LTA4H: variants seen among roughly 807,000 people sequenced by gnomAD.
The protein encoded by LTA4H is leukotriene A4 hydrolase.
LTA4H carries 59 observed loss-of-function variants against 89.8 expected under a neutral mutation model. The ratio of observed to expected loss-of-function variants is 0.66; its 90% CI spans 0.53 to 0.82. The LOEUF (loss-of-function observed/expected upper bound fraction) is 0.82. Ranked by LOEUF, LTA4H falls within the 40% of genes least tolerant of loss-of-function variation. LTA4H has a pLI of 0.00. For synonymous variants in LTA4H, 227 were observed against 253.1 expected (o/e 0.90, Z 0.98); for missense variants, 617 against 727.0 (o/e 0.85, Z 1.74).
intron 1 of LTA4H, 126 bp downstream of exon 1, chr12:96,035,235 G>C (rs971337843): frequency 1.2e-5 from 11 of 941,262 alleles, no homozygotes; most frequent in Non-Finnish European, 1.7e-5. Flanking sequence ...CAGAAGAGCA[G>C]ACGGGGACGT....
Position 96,035,471 on chromosome 12 carries a change from A to G in LTA4H, c.49T>C (p.Cys17Arg), listed in dbSNP as rs1285238998. The G allele has an allele frequency of 6.2e-7, 1 of 1,609,518 alleles. No homozygotes were observed. The highest frequency in any genetic ancestry group is 8.5e-7 in the Non-Finnish European group (1 of 1,178,016). ...CGCAGGTGCAGGTGCTTGGTCCGGC[A>G]GACGGAAGCCGGAGAGGCCAACGAA... is the stretch of plus-strand genomic sequence containing the variant. ...TCSLASPASV[C>R]RTKHLHLRCS... Residue 17 changes from cysteine to arginine, a missense_variant, in exon 1 of 19, where the codon TGC becomes CGC. Physicochemically the swap from Cys to Arg is radical, Grantham distance 180 (BLOSUM62 -3). This residue lies in a region of LTA4H where 155 missense variants were observed against 143.3 expected (regional missense o/e 1.08). Coordinates refer to ENST00000228740, the MANE Select transcript of LTA4H (RefSeq NM_000895.3).
At position 96,025,059 on chromosome 12, in the gene LTA4H, T is replaced by A. The variant is rs139722082; in HGVS notation, c.412-512A>T. On this transcript the variant is annotated intron_variant, in intron 3 of 18. Transcript: ENST00000228740. The stretch of plus-strand genomic sequence containing the variant: ...TCTATGGTTAACCCTCACATTTCAG[T>A]TGAAGCATGGAGAAACTCTTAAGCA... Among the ~76,000 whole-genome samples the A allele has an allele frequency of 5.3e-5, 8 of 152,296 alleles. No homozygotes were observed. In the East Asian group the frequency reaches 1.5e-3, roughly 29 times the overall value.
intron 15 of LTA4H, among the ~76,000 whole-genome samples, chr12:96,007,474 G>C (rs2660880): frequency 6.6e-6 from 1 of 152,202 alleles, no homozygotes; most frequent in African/African-American, 2.4e-5. Context: ...GGATGCTACA[G>C]AGGTACCGCT....
At chr12:96,017,364 T>C (rs1279564154) in intron 9 of LTA4H, among the ~76,000 whole-genome samples, 193 bp downstream of exon 9, 1 of 152,184 alleles carries the variant, frequency 6.6e-6, no homozygotes, top group Non-Finnish European at 1.5e-5. Flanking sequence ...TTAAAAATAT[T>C]TCATAAATAT....
chr12:96,023,151 G>T (rs1369427892), intron 4 of LTA4H, among the ~76,000 whole-genome samples: 2 of 152,134 alleles, frequency 1.3e-5, no homozygotes, highest in Non-Finnish European at 2.9e-5. Flanking sequence ...TCCAGTAGGG[G>T]CTAGACTTTC....
intron 16 of LTA4H, 181 bp from the exon 17 acceptor site, chr12:96,004,101 A>G (rs1950155980): frequency 2.6e-6 from 1 of 382,298 alleles, no homozygotes; most frequent in South Asian, 6.4e-5. Context: ...CTTATTCCAG[A>G]TGAGGATATT....
chr12:96,026,631 T>A (rs760758330), intron 3 of LTA4H, among the ~76,000 whole-genome samples: 13 of 152,190 alleles, frequency 8.5e-5, no homozygotes, highest in Non-Finnish European at 1.3e-4. Flanking sequence ...AGTAAACAGG[T>A]CTGATTCATA....
At chr12:96,028,811 G>A (rs767260079) in intron 2 of LTA4H, among the ~76,000 whole-genome samples, 4 of 152,046 alleles carry the variant, frequency 2.6e-5, no homozygotes, top group East Asian at 3.9e-4. Context: ...AGGATGAATC[G>A]TTTAGAAACT....
Position 96,024,513 on chromosome 12 carries a change from T to A in LTA4H, c.446A>T (p.Asp149Val). ...IHCRAILPCQ[D>V]TPSVKLTYTA... The stretch of plus-strand genomic sequence containing the variant: ...ATAGGTTAATTTCACAGAAGGAGTG[T>A]CCTGACAAGGAAGGATTGCTCTGCA... The change falls in exon 4 of 19, where the codon GAC becomes GTC. Residue 149 changes from aspartate (D) to valine (V), a missense_variant. By Grantham distance (152) the Asp-to-Val change is radical. Around this residue, in one of 3 missense-constraint regions of LTA4H, gnomAD observed 172 missense variants for 244.5 expected, o/e 0.70. Coordinates refer to ENST00000228740, the MANE Select transcript of LTA4H (RefSeq NM_000895.3). 1 of 1,611,988 alleles carries A rather than the reference T, an allele frequency of 6.2e-7. No homozygotes were observed. Among genetic ancestry groups the A allele is most frequent in the Non-Finnish European group, 8.5e-7 (1 of 1,178,284 alleles).
At chr12:96,035,960 C>T (rs181939163), upstream of LTA4H, among the ~76,000 whole-genome samples, 64 of 152,180 alleles carry the variant, frequency 4.2e-4, no homozygotes, top group African/African-American at 1.4e-3. Context: ...TTGCATATAG[C>T]GAGGGCGGGG....
Position 96,019,179 on chromosome 12 carries a change from C to T in LTA4H, c.700G>A (p.Glu234Lys), listed in dbSNP as rs1264491527. 4 of 1,612,552 alleles carry T rather than the reference C, an allele frequency of 2.5e-6. No individual in the cohort carries two copies. The East Asian group carries it at 8.9e-5, about 36-fold the overall frequency. ...ACTAAATGACCAACCTCAGAAAACT[C>T]ATAAGCAGACTTTTCCACCTGCTCT... ...EKEQVEKSAY[E>K]FSETESMLKI... The change falls in exon 7 of 19, where the codon GAG (glutamate) becomes AAG (lysine). Residue 234 changes from glutamate (E) to lysine (K), a missense_variant. Transcript: ENST00000228740.
chr12:96,003,193 A>T, intron 17 of LTA4H, 129 bp from the exon 18 acceptor site: 1 of 575,424 alleles, frequency 1.7e-6, no homozygotes, highest in Non-Finnish European at 3.1e-6. Context: ...ACACCACTTT[A>T]TGGTATGTCT....
At chr12:96,031,805 TTATAC>T (rs1257894183) in intron 1 of LTA4H, among the ~76,000 whole-genome samples, 2 of 152,232 alleles carry the variant, frequency 1.3e-5, no homozygotes, top group African/African-American at 4.8e-5. Flanking sequence ...ATTTTTAATC[TTATAC>T]TATATATGTT....
chr12:96,002,874 T>C, intron 18 of LTA4H, 86 bp downstream of exon 18: 1 of 841,528 alleles, frequency 1.2e-6, no homozygotes, highest in Non-Finnish European at 1.9e-6. Context: ...TTAAAAAATA[T>C]TGTCATATAG....
At chr12:96,018,672 T>G in intron 8 of LTA4H, 91 bp downstream of exon 8, 2 of 862,000 alleles carry the variant, frequency 2.3e-6, no homozygotes, top group East Asian at 6.1e-5. Flanking sequence ...TCTAAGGTTC[T>G]TTACATATAT....
upstream of LTA4H, among the ~76,000 whole-genome samples, chr12:96,036,351 AG>A (rs1197606273): frequency 6.6e-6 from 1 of 152,100 alleles, no homozygotes; most frequent in Non-Finnish European, 1.5e-5. Context: ...CCTTGCCTTT[AG>A]GGTGGGGCCT....
In LTA4H at chr12:96,029,041, C is replaced by T. The variant is rs763496634; in HGVS notation, c.290+14G>A. ...TTATTTAGCTGTAAAAGAGAAAGAT[C>T]ATAACATTCATACTTGCTCAAAGCG... is the stretch of plus-strand genomic sequence containing the variant. On this transcript the variant is annotated intron_variant, in intron 2 of 18. Coordinates refer to ENST00000228740, the MANE Select transcript of LTA4H (RefSeq NM_000895.3). The T allele has an allele frequency of 9.1e-6, 14 of 1,544,116 alleles. No homozygotes were observed. The highest frequency in any genetic ancestry group is 8.6e-5 in the Admixed American group (4 of 46,558).
chr12:96,042,167 T>A (rs973205353), intron 1 of LTA4H, among the ~76,000 whole-genome samples: 2 of 151,474 alleles, frequency 1.3e-5, no homozygotes, highest in African/African-American at 2.4e-5. Flanking sequence ...ATTTTTAGTT[T>A]GTTTGTTTGT....
chr12:96,022,436 T>C lies in LTA4H; in HGVS notation c.481-185A>G, dbSNP rs1187975518. Among the ~76,000 whole-genome samples, 1 of 151,924 alleles carries C rather than the reference T, an allele frequency of 6.6e-6. No homozygotes were observed. Among genetic ancestry groups the C allele is most frequent in the African/African-American group, 2.4e-5 (1 of 41,390 alleles). On this transcript the variant is annotated intron_variant, in intron 4 of 18. Transcript: ENST00000228740. The surrounding 1 kb of genome is among the most constrained non-coding windows in gnomAD (Gnocchi z 4.0). ...CACATATATATGAACACAACGTGTA[T>C]AGATGTGTATATATATGCACACATA...
Sources: gnomAD v4.1 joint callset for allele counts (sites outside exome capture counted in the v4.1 genomes callset) on GRCh38, gnomAD v4.1.1 for gene constraint, gnomAD v4.1.1 regional missense constraint, Gnocchi (gnomAD v3.1) non-coding constraint, MANE v1.5 for transcripts, NCBI Gene and HGNC (gene_info 2026-07-23, HGNC 2026-07-21) for gene names.